Variants in ODAD2 observed in about 807,000 individuals in gnomAD.
ODAD2 encodes the protein outer dynein arm docking complex subunit 2, also known as outer dynein arm-docking complex subunit 2.
Under a neutral mutation model 106.8 loss-of-function variants are expected in ODAD2, and 89 were observed. That is an observed-to-expected ratio of 0.83 (90% CI 0.70 to 0.99). The LOEUF is 0.99. Ranked by LOEUF, ODAD2 falls within the 50% of genes least tolerant of loss-of-function variation. The probability of loss-of-function intolerance (pLI) is 0.00; values close to 1 mark genes in which losing one functional copy is unlikely to be tolerated. For missense variants in ODAD2, 1,168 were observed against 1,238.5 expected (o/e 0.94, Z 0.85); for synonymous variants, 404 against 436.2 (o/e 0.93, Z 0.92).
chr10:27,847,536 C>A (rs201532806), intron 19 of ODAD2, among the ~76,000 whole-genome samples: 89,653 of 151,046 alleles, frequency 0.59, 26,920 homozygotes, highest in Middle Eastern at 0.7. Flanking sequence ...CTCTCTCACC[C>A]CTGCTATTCA....
intron 19 of ODAD2, among the ~76,000 whole-genome samples, chr10:27,831,074 A>G (rs1180356855): frequency 6.6e-6 from 1 of 152,110 alleles, no homozygotes; most frequent in African/African-American, 2.4e-5. Context: ...GGGAGGGAAG[A>G]GGCATGAGGA....
intron 19 of ODAD2, among the ~76,000 whole-genome samples, chr10:27,817,277 T>C (rs1206763367): frequency 6.6e-6 from 1 of 152,234 alleles, no homozygotes; most frequent in African/African-American, 2.4e-5. Context: ...TAACTCATGA[T>C]CTATGGTTCA....
rs1472984153 is a variant in ODAD2, at chr10:27,944,820, C to T, written c.1529G>A (p.Cys510Tyr). The T allele has an allele frequency of 5.0e-6, 8 of 1,613,994 alleles. No individual in the cohort carries two copies. The highest frequency in any genetic ancestry group is 2.7e-5 in the African/African-American group (2 of 74,932). The stretch of plus-strand genomic sequence containing the variant: ...CAAGGTGACAGAGCCACTCACCTTA[C>T]ATTTGACTTCATCGGTTTCAAGCAA... ...INLLETDEVK[C>Y]KIGSLKILKE... is the part of the protein sequence containing the mutation. The change falls in exon 11 of 20, where the codon TGT (cysteine) becomes TAT (tyrosine). Residue 510 changes from cysteine to tyrosine, a missense_variant. Around this residue, in one of 3 missense-constraint regions of ODAD2, gnomAD observed 701 missense variants for 712.3 expected, o/e 0.98. Coordinates refer to ENST00000305242, the MANE Select transcript of ODAD2 (RefSeq NM_018076.5).
At chr10:27,875,307 C>T (rs1589886927) in intron 17 of ODAD2, among the ~76,000 whole-genome samples, 1 of 152,138 alleles carries the variant, frequency 6.6e-6, no homozygotes, top group East Asian at 1.9e-4. Flanking sequence ...TAAACTTCCT[C>T]CTTTAGCTTG....
In ODAD2 at chr10:27,907,654, C is replaced by T. The variant is rs374705044; in HGVS notation, c.2610+9G>A. ...TTCTAGAAGAGACTGACTTGCAGTCCGTTCTTACCTTTGCATTTTTGATGC... is the reference window on the plus strand; with the variant it reads ...TTCTAGAAGAGACTGACTTGCAGTCTGTTCTTACCTTTGCATTTTTGATGC... On this transcript the variant is annotated intron_variant, in intron 17 of 19. Coordinates refer to ENST00000305242, the MANE Select transcript of ODAD2 (RefSeq NM_018076.5). 36 of 1,594,868 alleles carry T rather than the reference C, an allele frequency of 2.3e-5. No individual in the cohort carries two copies. The highest frequency in any genetic ancestry group is 2.0e-4 in the African/African-American group (15 of 74,524).
chr10:27,950,253 T>C (rs892731350), intron 10 of ODAD2, among the ~76,000 whole-genome samples: 19 of 152,204 alleles, frequency 1.2e-4, no homozygotes, highest in East Asian at 1.9e-4. Context: ...AGCATAAAGA[T>C]TGGCTTAGAG....
chr10:27,970,210 A>C (rs1321767779), intron 8 of ODAD2, among the ~76,000 whole-genome samples: 1 of 152,068 alleles, frequency 6.6e-6, no homozygotes, highest in Non-Finnish European at 1.5e-5. Context: ...TTTTGCTTTG[A>C]CGCCTGTTTA....
At chr10:27,979,445 TACACACACAC>T (rs35697488) in intron 7 of ODAD2, among the ~76,000 whole-genome samples, 1 of 141,842 alleles carries the variant, frequency 7.1e-6, no homozygotes, top group Non-Finnish European at 1.5e-5. Context: ...CACACACCCA[TACACACACAC>T]ACACACACAC....
At chr10:27,917,489 CAAAT>C (rs970686362) in intron 16 of ODAD2, among the ~76,000 whole-genome samples, 4 of 151,606 alleles carry the variant, frequency 2.6e-5, no homozygotes, top group African/African-American at 7.3e-5. Context: ...AAGTTAAACA[CAAAT>C]AAGTACAATA....
At chr10:27,814,981 T>C (rs1052203838) in intron 19 of ODAD2, among the ~76,000 whole-genome samples, 2 of 152,208 alleles carry the variant, frequency 1.3e-5, no homozygotes, top group African/African-American at 4.8e-5. Context: ...TTCCAATGCC[T>C]ATTTTAAATC....
At chr10:27,925,128 C>T (rs1350000353) in intron 16 of ODAD2, among the ~76,000 whole-genome samples, 6 of 152,010 alleles carry the variant, frequency 3.9e-5, no homozygotes, top group African/African-American at 1.4e-4. Flanking sequence ...TACAAAAATG[C>T]TAAATATTAG....
At chr10:27,826,112 G>C (rs1016254186) in intron 19 of ODAD2, among the ~76,000 whole-genome samples, 5 of 152,110 alleles carry the variant, frequency 3.3e-5, no homozygotes, top group African/African-American at 1.2e-4. Context: ...TCTCGTTGCT[G>C]TCTATCAGAA....
chr10:27,831,342 G>A (rs751670890), intron 19 of ODAD2, among the ~76,000 whole-genome samples: 25 of 151,990 alleles, frequency 1.6e-4, no homozygotes, highest in Admixed American at 1.1e-3. Flanking sequence ...CAAATCCACC[G>A]TTATAGACCC....
chr10:27,871,921 T>C (rs1016055925), intron 17 of ODAD2, among the ~76,000 whole-genome samples: 1 of 152,074 alleles, frequency 6.6e-6, no homozygotes, highest in African/African-American at 2.4e-5. Flanking sequence ...ATGGAGATGG[T>C]ATTAAATCTA....
intron 17 of ODAD2, among the ~76,000 whole-genome samples, chr10:27,879,809 T>C (rs1397534961): frequency 6.6e-6 from 1 of 152,218 alleles, no homozygotes; most frequent in Non-Finnish European, 1.5e-5. Context: ...TAACTGTAAC[T>C]AATCTTAATC....
chr10:27,872,182 C>T (rs1189697440), intron 17 of ODAD2, among the ~76,000 whole-genome samples: 1 of 152,008 alleles, frequency 6.6e-6, no homozygotes, highest in East Asian at 1.9e-4. Context: ...TATAAGAATG[C>T]TTGTGATTTC....
At chr10:27,931,003 G>A (rs1473614377) in intron 16 of ODAD2, among the ~76,000 whole-genome samples, 6 of 152,282 alleles carry the variant, frequency 3.9e-5, no homozygotes, top group South Asian at 2.1e-4. Context: ...TGACATGTCC[G>A]TATGACTTTT....
chr10:27,837,936 C>A (rs1053127856), intron 19 of ODAD2, among the ~76,000 whole-genome samples: 1 of 151,678 alleles, frequency 6.6e-6, no homozygotes, highest in African/African-American at 2.4e-5. Context: ...CTTTTATTTC[C>A]GAAGACATTT....
chr10:27,972,076 A>G (rs1848898627), intron 7 of ODAD2, among the ~76,000 whole-genome samples: 1 of 152,214 alleles, frequency 6.6e-6, no homozygotes, highest in Admixed American at 6.5e-5. Context: ...TAAAGCAAAA[A>G]TAGTAACAAC....
Sources: gnomAD v4.1 joint callset for allele counts (sites outside exome capture counted in the v4.1 genomes callset) on GRCh38, gnomAD v4.1.1 for gene constraint, gnomAD v4.1.1 regional missense constraint, MANE v1.5 for transcripts, NCBI Gene and HGNC (gene_info 2026-07-23, HGNC 2026-07-21) for gene names.